The following TMEM163 variants were observed in gnomAD, a reference collection of about 807,000 sequenced individuals.
The protein encoded by TMEM163 is transmembrane protein 163.
A neutral mutation model predicts 29.3 loss-of-function variants in TMEM163; 17 were observed. The observed-to-expected ratio is 0.58, with a 90% confidence interval of 0.40 to 0.87. The LOEUF is 0.87. TMEM163 is among the 40% of genes least tolerant of loss of function. The pLI, the probability that TMEM163 is intolerant of heterozygous loss-of-function variation, is 0.00. For synonymous variants in TMEM163, 157 were observed against 160.6 expected (o/e 0.98, Z 0.17); for missense variants, 303 against 381.5 (o/e 0.79, Z 1.71).
At position 134,480,300 on chromosome 2, in the gene TMEM163, T is replaced by C. The variant is rs183524081; in HGVS notation, c.556-14075A>G. Among the ~76,000 whole-genome samples, 100 of 152,304 alleles carry C rather than the reference T, an allele frequency of 6.6e-4. 1 individual carries two copies. The highest frequency in any genetic ancestry group is 2.3e-3 in the African/African-American group (95 of 41,562). ...GGGCCTTTGCACATGCCACTCTCTC[T>C]GCCTGGAGGTTCCACACAGCCACAG... On this transcript the variant is annotated intron_variant, in intron 5 of 7. Coordinates refer to ENST00000281924, the MANE Select transcript of TMEM163 (RefSeq NM_030923.5).
chr2:134,705,683 C>T (rs1684795488), intron 2 of TMEM163, among the ~76,000 whole-genome samples: 1 of 152,174 alleles, frequency 6.6e-6, no homozygotes, highest in Non-Finnish European at 1.5e-5. Flanking sequence ...ACGTCTTGTC[C>T]AAGAAGAGCT....
At chr2:134,457,971 G>A in intron 7 of TMEM163, 61 bp downstream of exon 7, 1 of 1,607,812 alleles carries the variant, frequency 6.2e-7, no homozygotes, top group Non-Finnish European at 8.5e-7. Flanking sequence ...ACTGGGGAAG[G>A]CGGTGGAAAA....
At chr2:134,553,886 G>T (rs982231579) in intron 2 of TMEM163, among the ~76,000 whole-genome samples, 1 of 152,210 alleles carries the variant, frequency 6.6e-6, no homozygotes, top group Non-Finnish European at 1.5e-5. Flanking sequence ...GATCCCTGGC[G>T]GGACTGCTGC....
At chr2:134,659,042 A>T (rs1009134678) in intron 2 of TMEM163, among the ~76,000 whole-genome samples, 1 of 152,196 alleles carries the variant, frequency 6.6e-6, no homozygotes, top group Non-Finnish European at 1.5e-5. Flanking sequence ...ACTTACACAG[A>T]CCTAGATGGG....
intron 4 of TMEM163, among the ~76,000 whole-genome samples, chr2:134,538,193 G>T (rs1475400352): frequency 2.0e-5 from 3 of 152,158 alleles, no homozygotes; most frequent in East Asian, 3.8e-4. Flanking sequence ...TAGGTCACGG[G>T]GCCAGAGCCC....
chr2:134,458,032 T>G lies in TMEM163; in HGVS notation c.809A>C (p.Lys270Thr). Residue 270 changes from lysine (K) to threonine (T), a missense_variant and splice_region_variant, in exon 7 of 8, where the codon AAA becomes ACA. This residue lies in a region of TMEM163 where 203 missense variants were observed against 294.3 expected (regional missense o/e 0.69). Transcript: ENST00000281924. ...IGLTIFAYGV[K>T]LLIDMVPRVR... is the part of the protein sequence containing the mutation. Reference sequence around the variant, plus strand: ...CAAACAGGAAAGCACAAGAACCTACTTGACCCCATAGGCAAATATGGTGAG... The same window carrying G: ...CAAACAGGAAAGCACAAGAACCTACGTGACCCCATAGGCAAATATGGTGAG... 6.2e-7 allele frequency: 1 copy of G among 1,614,164 alleles called. No individual in the cohort carries two copies. The highest frequency in any genetic ancestry group is 8.5e-7 in the Non-Finnish European group (1 of 1,180,020).
At chr2:134,602,865 G>T (rs1682267262) in intron 2 of TMEM163, among the ~76,000 whole-genome samples, 1 of 151,936 alleles carries the variant, frequency 6.6e-6, no homozygotes, top group South Asian at 2.1e-4. Flanking sequence ...TCTCCCTGGG[G>T]ATCCCATTGG....
chr2:134,656,853 G>A (rs188897973), intron 2 of TMEM163, among the ~76,000 whole-genome samples: 7 of 152,228 alleles, frequency 4.6e-5, no homozygotes, highest in African/African-American at 7.2e-5. Context: ...TGAGATGATC[G>A]TATGGTTTTT....
intron 2 of TMEM163, among the ~76,000 whole-genome samples, chr2:134,699,485 C>T (rs2104890181): frequency 6.8e-6 from 1 of 147,686 alleles, no homozygotes; most frequent in Admixed American, 6.7e-5. Context: ...GCCTGGGCAA[C>T]AAAGCAAGGC....
intron 2 of TMEM163, among the ~76,000 whole-genome samples, chr2:134,584,177 C>A (rs1339027149): frequency 1.3e-5 from 2 of 152,204 alleles, no homozygotes; most frequent in African/African-American, 4.8e-5. Context: ...AGGATAAAGT[C>A]ATATTTTGGA....
intron 2 of TMEM163, among the ~76,000 whole-genome samples, chr2:134,599,920 C>A (rs1682187503): frequency 6.6e-6 from 1 of 151,776 alleles, no homozygotes; most frequent in East Asian, 1.9e-4. Context: ...TGTTTACCTA[C>A]ACACATATAT....
At chr2:134,506,287 G>C (rs2106488661) in intron 4 of TMEM163, among the ~76,000 whole-genome samples, 1 of 152,302 alleles carries the variant, frequency 6.6e-6, no homozygotes, top group East Asian at 1.9e-4. Context: ...CTGGGAGCCT[G>C]TATGTCAGAG....
intron 5 of TMEM163, chr2:134,469,949 G>A (rs1396762798): frequency 6.6e-6 from 1 of 152,436 alleles, no homozygotes; most frequent in Non-Finnish European, 1.5e-5. Context: ...AGAGGCAACC[G>A]CTTTACCAGG....
chr2:134,674,340 AT>A (rs72052495), intron 2 of TMEM163, among the ~76,000 whole-genome samples: 1,389 of 106,538 alleles, frequency 0.013, 12 homozygotes, highest in African/African-American at 0.036. Flanking sequence ...AGAGTCATTA[AT>A]TTTTTTTTTT....
intron 4 of TMEM163, among the ~76,000 whole-genome samples, chr2:134,511,160 G>GT (rs372074137): frequency 2.7e-5 from 4 of 149,918 alleles, no homozygotes; most frequent in East Asian, 2.0e-4. Flanking sequence ...AGGCGGGGGG[G>GT]GGTGCTGTTA....
At chr2:134,535,877 G>A (rs750130992) in intron 4 of TMEM163, among the ~76,000 whole-genome samples, 2 of 152,028 alleles carry the variant, frequency 1.3e-5, no homozygotes, top group Non-Finnish European at 1.5e-5. Context: ...TGTGCACCAC[G>A]ACGCCTGGCT....
rs192104025 is a variant in TMEM163, at chr2:134,567,218, A to G, written c.323-15127T>C. ...AGAAAGCAGCCAAACCACTTTCCAC[A>G]TAGCCACTGAGAATCAGTAATTATG... is the stretch of plus-strand genomic sequence containing the variant. On this transcript the variant is annotated intron_variant, in intron 2 of 7. Transcript: ENST00000281924. 2.8e-3 allele frequency among the ~76,000 whole-genome samples: 424 copies of G among 152,316 alleles called. 1 individual carries two copies. Among genetic ancestry groups the G allele is most frequent in the African/African-American group, 9.8e-3 (406 of 41,572 alleles).
chr2:134,524,443 A>G (rs1037351099), intron 4 of TMEM163, among the ~76,000 whole-genome samples: 3 of 146,840 alleles, frequency 2.0e-5, no homozygotes, highest in African/African-American at 7.5e-5. Context: ...AACATGTGCC[A>G]TGGTGGTTTG....
At chr2:134,499,750 G>A (rs577865090) in intron 5 of TMEM163, among the ~76,000 whole-genome samples, 21 of 152,294 alleles carry the variant, frequency 1.4e-4, no homozygotes, top group African/African-American at 5.1e-4. Flanking sequence ...AGTCACAGCT[G>A]GACAGAAATC....
Sources: gnomAD v4.1 joint callset for allele counts (sites outside exome capture counted in the v4.1 genomes callset) on GRCh38, gnomAD v4.1.1 for gene constraint, gnomAD v4.1.1 regional missense constraint, MANE v1.5 for transcripts, NCBI Gene and HGNC (gene_info 2026-07-23, HGNC 2026-07-21) for gene names.